EEPD1: variants seen among roughly 807,000 people sequenced by gnomAD.
EEPD1 encodes the protein endonuclease/exonuclease/phosphatase family domain-containing protein 1.
EEPD1 carries 17 observed loss-of-function variants against 46.3 expected under a neutral mutation model. The ratio of observed to expected loss-of-function variants is 0.37; its 90% CI spans 0.25 to 0.55. The LOEUF (loss-of-function observed/expected upper bound fraction) is 0.55, where lower values mean the gene tolerates loss of function less well. Among genes scored for constraint, EEPD1 ranks in the 20% least tolerant of loss-of-function variants. EEPD1 has a pLI of 0.83. For missense variants in EEPD1, 673 were observed against 745.6 expected, an observed-to-expected ratio of 0.90 and a Z score of 1.13; for synonymous variants, 313 against 315.6, an observed-to-expected ratio of 0.99 and a Z score of 0.09.
At chr7:36,214,561 T>C (rs1389100019) in intron 2 of EEPD1, among the ~76,000 whole-genome samples, 2 of 152,340 alleles carry the variant, frequency 1.3e-5, no homozygotes, top group East Asian at 1.9e-4. Context: ...TGGTCGCATC[T>C]GCCTCTCCTG....
At chr7:36,261,551 T>C (rs963465425) in intron 3 of EEPD1, among the ~76,000 whole-genome samples, 1 of 152,206 alleles carries the variant, frequency 6.6e-6, no homozygotes, top group African/African-American at 2.4e-5. Context: ...ATACCACTTA[T>C]CAGAAAATGC....
intron 3 of EEPD1, among the ~76,000 whole-genome samples, chr7:36,261,478 C>T (rs1189720771): frequency 6.6e-6 from 1 of 152,210 alleles, no homozygotes; most frequent in African/African-American, 2.4e-5. Flanking sequence ...CATACAAACT[C>T]TCACAACAGC....
chr7:36,285,317 C>T (rs899655943), intron 5 of EEPD1, among the ~76,000 whole-genome samples: 1 of 152,208 alleles, frequency 6.6e-6, no homozygotes, highest in Non-Finnish European at 1.5e-5. Flanking sequence ...TTATCGGCTG[C>T]ATCTCAGGCC....
At chr7:36,201,753 ATGG>A (rs1029090643) in intron 2 of EEPD1, among the ~76,000 whole-genome samples, 3 of 151,914 alleles carry the variant, frequency 2.0e-5, no homozygotes, top group African/African-American at 7.3e-5. Context: ...ACCCTCTTGG[ATGG>A]TGTTTTCAAA....
At position 36,233,075 on chromosome 7, in the gene EEPD1, C is replaced by T. The variant is rs10241723; in HGVS notation, c.879-5910C>T. ...ATGGGAGACTATCTGAAAAGTCCCT[C>T]CAGTGTAAATATTTATCATGGTTAT... On this transcript the variant is annotated intron_variant, in intron 2 of 7. Transcript: ENST00000242108. Among the ~76,000 whole-genome samples, 640 of 152,104 alleles carry T rather than the reference C, an allele frequency of 4.2e-3. 6 individuals are homozygous for T. The highest frequency in any genetic ancestry group is 0.014 in the African/African-American group (586 of 41,384).
intron 3 of EEPD1, among the ~76,000 whole-genome samples, chr7:36,273,917 C>G (rs1559025): frequency 1.4e-4 from 22 of 152,230 alleles, no homozygotes; most frequent in African/African-American, 5.3e-4. Flanking sequence ...GCTCACTGAG[C>G]CTTTAAGTGA....
intron 3 of EEPD1, among the ~76,000 whole-genome samples, 183 bp downstream of exon 3, chr7:36,239,219 C>T (rs1335198344): frequency 1.3e-5 from 2 of 152,128 alleles, no homozygotes; most frequent in Non-Finnish European, 2.9e-5. Context: ...ACATTGTGTT[C>T]ACACCTACAA....
chr7:36,194,958 G>A (rs73686998), intron 2 of EEPD1, among the ~76,000 whole-genome samples: 2,192 of 152,254 alleles, frequency 0.014, 53 homozygotes, highest in African/African-American at 0.05. Context: ...CTTTCTCTTT[G>A]CAACTGCGAA....
At chr7:36,275,373 G>A (rs1335518688) in intron 3 of EEPD1, among the ~76,000 whole-genome samples, 1 of 152,180 alleles carries the variant, frequency 6.6e-6, no homozygotes, top group Non-Finnish European at 1.5e-5. Flanking sequence ...AAAGACTAAA[G>A]GATCTCTGAA....
At chr7:36,190,863 G>A (rs1329861035) in intron 2 of EEPD1, among the ~76,000 whole-genome samples, 1 of 152,202 alleles carries the variant, frequency 6.6e-6, no homozygotes, top group Non-Finnish European at 1.5e-5. Flanking sequence ...ATCCTTCCTG[G>A]GATGTGTCTC....
chr7:36,287,914 T>C (rs1787366046), intron 6 of EEPD1, 137 bp downstream of exon 6: 2 of 1,247,308 alleles, frequency 1.6e-6, no homozygotes, highest in Non-Finnish European at 2.2e-6. Context: ...CAGTCAAACC[T>C]CTGGCATCTC....
chr7:36,163,362 C>T (rs1330142836), intron 2 of EEPD1, among the ~76,000 whole-genome samples: 4 of 151,908 alleles, frequency 2.6e-5, no homozygotes, highest in Non-Finnish European at 5.9e-5. Context: ...CTCTCCCTTA[C>T]TCGATGGTGT....
At chr7:36,176,918 A>G (rs922645170) in intron 2 of EEPD1, among the ~76,000 whole-genome samples, 1 of 152,236 alleles carries the variant, frequency 6.6e-6, no homozygotes, top group Non-Finnish European at 1.5e-5. Context: ...TCCTCAGTGG[A>G]AGGAAAAATA....
intron 2 of EEPD1, among the ~76,000 whole-genome samples, chr7:36,231,883 A>T (rs1179322575): frequency 2.6e-5 from 4 of 152,214 alleles, no homozygotes. Flanking sequence ...GAAGAATCTG[A>T]TATCATAAAT....
chr7:36,161,560 G>A (rs1056026636), intron 2 of EEPD1, among the ~76,000 whole-genome samples: 5 of 152,104 alleles, frequency 3.3e-5, no homozygotes, highest in Admixed American at 6.5e-5. Flanking sequence ...TGAGGAGGGG[G>A]AGGTCCGGGC....
At chr7:36,173,325 T>TAA (rs34007011) in intron 2 of EEPD1, among the ~76,000 whole-genome samples, 21,349 of 103,408 alleles carry the variant, frequency 0.21, 2,763 homozygotes, top group African/African-American at 0.32. Flanking sequence ...CGTTTATACT[T>TAA]AAAAAAAAAA....
chr7:36,184,784 G>T (rs748311424), intron 2 of EEPD1, among the ~76,000 whole-genome samples: 2 of 152,106 alleles, frequency 1.3e-5, no homozygotes, highest in Non-Finnish European at 2.9e-5. Flanking sequence ...AGGCTGGAGT[G>T]CAGTGGTGCG....
At chr7:36,267,509 TCTTATC>T (rs1222058162) in intron 3 of EEPD1, among the ~76,000 whole-genome samples, 1 of 152,084 alleles carries the variant, frequency 6.6e-6, no homozygotes, top group African/African-American at 2.4e-5. Flanking sequence ...AATTAACTCC[TCTTATC>T]CTTGAGTTCT....
At chr7:36,164,590 A>G (rs1416835059) in intron 2 of EEPD1, among the ~76,000 whole-genome samples, 2 of 152,224 alleles carry the variant, frequency 1.3e-5, no homozygotes, top group Non-Finnish European at 2.9e-5. Flanking sequence ...TTTGTTCTAC[A>G]TGTTTATTGT....
Sources: gnomAD v4.1 joint callset for allele counts (sites outside exome capture counted in the v4.1 genomes callset) on GRCh38, gnomAD v4.1.1 for gene constraint, MANE v1.5 for transcripts, NCBI Gene and HGNC (gene_info 2026-07-23, HGNC 2026-07-21) for gene names.